Variants in CD53 observed in about 807,000 individuals in gnomAD.
CD53 encodes leukocyte surface antigen CD53.
In CD53, 20 loss-of-function variants were observed where a neutral mutation model predicts 27.3. The observed-to-expected ratio is 0.73, with a 90% confidence interval of 0.52 to 1.07. The LOEUF (loss-of-function observed/expected upper bound fraction) is 1.07, where lower values mean the gene tolerates loss of function less well. Ranked by LOEUF, CD53 falls within the 50% of genes least tolerant of loss-of-function variation. CD53 has a pLI of 0.00. For synonymous variants in CD53, 106 were observed against 105.3 expected (o/e 1.01, Z -0.04); for missense variants, 216 against 264.0 (o/e 0.82, Z 1.26).
chr1:110,898,491 A>T (rs970358365), intron 7 of CD53, among the ~76,000 whole-genome samples: 2 of 151,982 alleles, frequency 1.3e-5, no homozygotes, highest in Admixed American at 1.3e-4. Flanking sequence ...TCCCACTGTG[A>T]TCCCTCCTCA....
rs115790737 is a variant in CD53, at chr1:110,899,319, C to T, written c.*124C>T. ...CTCCCATCCTTTCCCTTTTTAGGTCCCTGTCTTATACAACCAGAGAAGTGG... is the reference window on the plus strand; with the variant it reads ...CTCCCATCCTTTCCCTTTTTAGGTCTCTGTCTTATACAACCAGAGAAGTGG... On this transcript the variant is annotated 3_prime_UTR_variant, in exon 8 of 8. Coordinates refer to ENST00000271324, the MANE Select transcript of CD53 (RefSeq NM_000560.4). The T allele has an allele frequency of 8.3e-4, 560 of 673,214 alleles. 2 individuals carry two copies. The African/African-American group carries it at 9.2e-3, about 11-fold the overall frequency. The allele number at this position is 673,214 out of a possible 1,614,324, so 41.7% of individuals were successfully genotyped here.
At chr1:110,876,732 G>A (rs1043462699) in intron 1 of CD53, among the ~76,000 whole-genome samples, 3 of 152,032 alleles carry the variant, frequency 2.0e-5, no homozygotes, top group Non-Finnish European at 2.9e-5. Flanking sequence ...ATGATTTTGA[G>A]ATGAGAATCC....
intron 1 of CD53, among the ~76,000 whole-genome samples, chr1:110,884,285 C>T (rs1656476790): frequency 1.3e-5 from 2 of 152,144 alleles, no homozygotes; most frequent in Non-Finnish European, 2.9e-5. Context: ...TAGAAATATG[C>T]TATTTAGTTT....
In CD53 at chr1:110,897,868, C is replaced by G; in HGVS notation, c.564C>G (p.Ile188Met). The change falls in exon 7 of 8, where the codon ATC (isoleucine) becomes ATG (methionine). Residue 188 changes from isoleucine to methionine, a missense_variant. Ile to Met is a conservative substitution (Grantham distance 10). Coordinates refer to ENST00000271324, the MANE Select transcript of CD53 (RefSeq NM_000560.4). ...CCAATTTCCTGTATATCGGAATCAT[C>G]ACCATCTGTGTATGTGTGATTGAGG... ...FHSNFLYIGI[I>M]TICVCVIEVL... 1 of 1,610,312 alleles carries G rather than the reference C, an allele frequency of 6.2e-7. No individual in the cohort carries two copies. The highest frequency in any genetic ancestry group is 8.5e-7 in the Non-Finnish European group (1 of 1,176,874).
intron 3 of CD53, among the ~76,000 whole-genome samples, chr1:110,893,601 C>G (rs371948829): frequency 6.6e-6 from 1 of 152,212 alleles, no homozygotes; most frequent in African/African-American, 2.4e-5. Context: ...GGATTATAGG[C>G]GTAAGCCACT....
At position 110,899,158 on chromosome 1, in the gene CD53, G is replaced by T; in HGVS notation, c.623G>T (p.Cys208Phe). The stretch of plus-strand genomic sequence containing the variant: ...ATGTCCTTTGCACTGACCCTGAACT[G>T]CCAGATTGACAAAACCAGCCAGACC... Reference protein sequence around the residue: ...LGMSFALTLNCQIDKTSQTIG... With the variant: ...LGMSFALTLNFQIDKTSQTIG... Residue 208 changes from cysteine (C) to phenylalanine (F), a missense_variant, in exon 8 of 8, where the codon TGC becomes TTC. Physicochemically the swap from Cys to Phe is radical, Grantham distance 205. Coordinates refer to ENST00000271324, the MANE Select transcript of CD53 (RefSeq NM_000560.4). 2 of 1,613,848 alleles carry T rather than the reference G, an allele frequency of 1.2e-6. No individual in the cohort carries two copies. The highest frequency in any genetic ancestry group is 1.7e-6 in the Non-Finnish European group (2 of 1,179,846).
chr1:110,889,157 T>C (rs565867502), intron 1 of CD53, among the ~76,000 whole-genome samples: 5 of 152,322 alleles, frequency 3.3e-5, no homozygotes, highest in South Asian at 2.1e-4. Context: ...TATTTATTCA[T>C]AGATGTGTCT....
intron 5 of CD53, among the ~76,000 whole-genome samples, chr1:110,896,005 A>G (rs2101066288): frequency 6.6e-6 from 1 of 152,322 alleles, no homozygotes; most frequent in East Asian, 1.9e-4. Flanking sequence ...ATTTTAATTG[A>G]CTTGTTCAAA....
At chr1:110,887,415 C>A (rs1267466759) in intron 1 of CD53, among the ~76,000 whole-genome samples, 2 of 152,242 alleles carry the variant, frequency 1.3e-5, no homozygotes, top group East Asian at 3.9e-4. Context: ...AATCTAACAC[C>A]TGGGTTGGTT....
chr1:110,882,014 C>A, intron 1 of CD53, among the ~76,000 whole-genome samples: 1 of 152,134 alleles, frequency 6.6e-6, no homozygotes, highest in East Asian at 1.9e-4. Flanking sequence ...ACTCTGGATA[C>A]ATGCCTTTTA....
chr1:110,890,989 C>T (rs978593763), intron 1 of CD53, among the ~76,000 whole-genome samples: 1 of 152,230 alleles, frequency 6.6e-6, no homozygotes, highest in Admixed American at 6.6e-5. Context: ...GCTGATCAAG[C>T]TGTTGGCTTT....
chr1:110,890,112 G>T (rs1405926515), intron 1 of CD53, among the ~76,000 whole-genome samples: 1 of 152,110 alleles, frequency 6.6e-6, no homozygotes, highest in Admixed American at 6.6e-5. Context: ...CCTTGAAACT[G>T]CAAAGGAGAT....
chr1:110,880,001 A>T (rs535033258), intron 1 of CD53, among the ~76,000 whole-genome samples: 1 of 152,330 alleles, frequency 6.6e-6, no homozygotes, highest in South Asian at 2.1e-4. Context: ...CGCAGGTTCT[A>T]CCAGCTCAAG....
At chr1:110,878,259 G>A (rs1656203755) in intron 1 of CD53, among the ~76,000 whole-genome samples, 5 of 152,144 alleles carry the variant, frequency 3.3e-5, no homozygotes, top group Admixed American at 3.3e-4. Flanking sequence ...CCTACATTTG[G>A]GAGCCCTCAC....
At chr1:110,895,105 G>A (rs1280507720) in intron 5 of CD53, 50 bp downstream of exon 5, 1 of 1,368,396 alleles carries the variant, frequency 7.3e-7, no homozygotes, top group Non-Finnish European at 1.0e-6. Flanking sequence ...TCATTTTCAA[G>A]CCTAAATCCT....
chr1:110,894,465 G>A, intron 4 of CD53, 64 bp downstream of exon 4: 1 of 1,244,840 alleles, frequency 8.0e-7, no homozygotes, highest in Non-Finnish European at 1.2e-6. Context: ...CAGTGGAGAA[G>A]TTGGTACAAA....
At chr1:110,889,980 T>C (rs942957329) in intron 1 of CD53, among the ~76,000 whole-genome samples, 4 of 152,150 alleles carry the variant, frequency 2.6e-5, no homozygotes, top group Admixed American at 1.3e-4. Flanking sequence ...GGATATGAGA[T>C]AGATACAAGT....
At chr1:110,891,507 C>T (rs746565752) in intron 2 of CD53, 36 bp downstream of exon 2, 4 of 1,511,760 alleles carry the variant, frequency 2.6e-6, no homozygotes, top group African/African-American at 2.7e-5. Context: ...TTTAGCTCAC[C>T]TTTACCCAGC....
At chr1:110,895,702 T>C (rs2101065794) in intron 5 of CD53, among the ~76,000 whole-genome samples, 1 of 152,320 alleles carries the variant, frequency 6.6e-6, no homozygotes, top group South Asian at 2.1e-4. Context: ...TCTCCAATTC[T>C]TTATTTTTTT....
Sources: gnomAD v4.1 joint callset for allele counts (sites outside exome capture counted in the v4.1 genomes callset) on GRCh38, gnomAD v4.1.1 for gene constraint, MANE v1.5 for transcripts, NCBI Gene and HGNC (gene_info 2026-07-23, HGNC 2026-07-21) for gene names.